Variants in GHR observed in about 807,000 individuals in gnomAD.
The protein encoded by GHR is GH receptor.
Under a neutral mutation model 67.1 loss-of-function variants are expected in GHR, and 35 were observed. The ratio of observed to expected loss-of-function variants is 0.52; its 90% confidence interval spans 0.40 to 0.69. The LOEUF (loss-of-function observed/expected upper bound fraction) is 0.69, where lower values mean the gene tolerates loss of function less well. GHR is among the 30% of genes least tolerant of loss of function. GHR has a pLI of 0.00. For synonymous variants in GHR, 272 were observed against 269.1 expected (o/e 1.01, Z -0.10); for missense variants, 792 against 764.6 (o/e 1.04, Z -0.42).
At chr5:42,701,686 C>T (rs914984807) in intron 6 of GHR, among the ~76,000 whole-genome samples, 2 of 152,100 alleles carry the variant, frequency 1.3e-5, no homozygotes, top group African/African-American at 4.8e-5. Context: ...TTGCCTTTTT[C>T]GAAAATTTGT....
chr5:42,526,520 A>G (rs1747711757), intron 1 of GHR, among the ~76,000 whole-genome samples: 1 of 152,264 alleles, frequency 6.6e-6, no homozygotes, highest in Admixed American at 6.5e-5. Flanking sequence ...CAGTATAGAT[A>G]AAATAGCCTT....
Position 42,614,559 on chromosome 5 carries a change from A to ATTTTTTTTTTTT in GHR, c.71-14458_71-14447dup, listed in dbSNP as rs553365880. Among the ~76,000 whole-genome samples, 21 of 65,412 alleles carry ATTTTTTTTTTTT rather than the reference A, an allele frequency of 3.2e-4. 1 individual carries two copies. The highest frequency in any genetic ancestry group is 1.0e-3 in the African/African-American group (16 of 15,844). The allele number at this position is 65,412 out of a possible 152,430, so 42.9% of individuals were successfully genotyped here. On this transcript the variant is annotated intron_variant, in intron 2 of 9. Coordinates refer to ENST00000230882, the MANE Select transcript of GHR (RefSeq NM_000163.5). ...GCAAGCTTTATAGGCCATAGAGGAC[A>ATTTTTTTTTTTT]TTTTTTTTTTTTTTTTTTTTTTTTT...
At chr5:42,616,678 A>G (rs548597027) in intron 2 of GHR, among the ~76,000 whole-genome samples, 21 of 44,710 alleles carry the variant, frequency 4.7e-4, no homozygotes, top group South Asian at 1.7e-3. Context: ...TTTGCAGGGG[A>G]AAAAAAAAAA....
intron 1 of GHR, chr5:42,548,030 T>C: frequency 1.1e-6 from 1 of 950,410 alleles, no homozygotes; most frequent in Non-Finnish European, 1.3e-6. Context: ...TTTGCTGAGT[T>C]CTAACGCTTA....
intron 2 of GHR, among the ~76,000 whole-genome samples, chr5:42,586,489 A>C (rs550816605): frequency 6.6e-6 from 1 of 152,240 alleles, no homozygotes; most frequent in African/African-American, 2.4e-5. Flanking sequence ...TGGCTCGATG[A>C]TAAGATAGGA....
At chr5:42,529,936 G>C (rs1437978404) in intron 1 of GHR, among the ~76,000 whole-genome samples, 1 of 146,176 alleles carries the variant, frequency 6.8e-6, no homozygotes, top group Non-Finnish European at 1.5e-5. Flanking sequence ...AAGAGAAATA[G>C]AATGAACTTC....
chr5:42,527,831 A>G (rs1747775718), intron 1 of GHR, among the ~76,000 whole-genome samples: 1 of 152,206 alleles, frequency 6.6e-6, no homozygotes, highest in South Asian at 2.1e-4. Context: ...AGCAAATGCA[A>G]AAGAGCTGAA....
At chr5:42,681,175 A>C (rs1756847315) in intron 3 of GHR, among the ~76,000 whole-genome samples, 1 of 152,094 alleles carries the variant, frequency 6.6e-6, no homozygotes, top group Non-Finnish European at 1.5e-5. Flanking sequence ...TGAACAGGCA[A>C]CCTACAGAAT....
rs1386963465 is a variant in GHR at position 42,467,572 on chromosome 5, T to G, written c.-12+43617T>G. 3 of 1,557,882 alleles carry G rather than the reference T, an allele frequency of 1.9e-6. No individual in the cohort carries two copies. The African/African-American group carries it at 4.1e-5, about 21-fold the overall frequency. ...CCTAAAGGTTTTTTCTAAGGAGAGG[T>G]TTTTTTGATATACAGTCAGATTTGA... On this transcript the variant is annotated intron_variant, in intron 1 of 9. Coordinates refer to ENST00000230882, the MANE Select transcript of GHR (RefSeq NM_000163.5).
rs1758451315 is a variant in GHR, at chr5:42,711,364, G to A, written c.776G>A (p.Cys259Tyr). 1.2e-6 allele frequency: 2 copies of A among 1,608,406 alleles called. No individual in the cohort carries two copies. The highest frequency in any genetic ancestry group is 1.7e-6 in the Non-Finnish European group (2 of 1,174,792). The change falls in exon 7 of 10, where the codon TGT becomes TAT. Residue 259 changes from cysteine to tyrosine, a missense_variant. By Grantham distance (194) the Cys-to-Tyr change is radical. Coordinates refer to ENST00000230882, the MANE Select transcript of GHR (RefSeq NM_000163.5). Reference sequence around the variant, plus strand: ...CTTCCTCAGATGAGCCAATTTACATGTGAAGAAGGTAAAAGAAATAAAAGA... The same window carrying A: ...CTTCCTCAGATGAGCCAATTTACATATGAAGAAGGTAAAAGAAATAAAAGA... Reference protein sequence around the residue: ...VTLPQMSQFTCEEDFYFPWLL... With the variant: ...VTLPQMSQFTYEEDFYFPWLL...
chr5:42,531,397 A>G (rs375673632), intron 1 of GHR, among the ~76,000 whole-genome samples: 73 of 152,210 alleles, frequency 4.8e-4, no homozygotes, highest in African/African-American at 1.5e-3. Flanking sequence ...GAAAACTACT[A>G]TGGATTTTCT....
chr5:42,481,354 C>A (rs1226829193), intron 1 of GHR, among the ~76,000 whole-genome samples: 2 of 152,104 alleles, frequency 1.3e-5, no homozygotes, highest in Non-Finnish European at 2.9e-5. Flanking sequence ...GTGAATCTGC[C>A]AATTATGTGT....
intron 1 of GHR, chr5:42,548,303 C>T: frequency 1.0e-6 from 1 of 985,160 alleles, no homozygotes; most frequent in Non-Finnish European, 1.2e-6. Flanking sequence ...AGCAGAAAGA[C>T]CAAGAATTTA....
intron 1 of GHR, among the ~76,000 whole-genome samples, chr5:42,482,887 T>A (rs113667115): frequency 6.6e-6 from 1 of 152,294 alleles, no homozygotes; most frequent in African/African-American, 2.4e-5. Flanking sequence ...GCACCCACTG[T>A]CCTGCACCCA....
In GHR at chr5:42,476,945, A is replaced by T. The variant is rs192020884; in HGVS notation, c.-12+52990A>T. ...TGTGCACAACGTGCAGGTTTGTTAC[A>T]TATGTATACATGTGCCATGTTGGTG... On this transcript the variant is annotated intron_variant, in intron 1 of 9. Coordinates refer to ENST00000230882, the MANE Select transcript of GHR (RefSeq NM_000163.5). Among the ~76,000 whole-genome samples, 413 of 152,174 alleles carry T rather than the reference A, an allele frequency of 2.7e-3. 5 individuals carry two copies. Among genetic ancestry groups the T allele is most frequent in the African/African-American group, 9.5e-3 (395 of 41,512 alleles).
chr5:42,645,960 T>C (rs963656231), intron 3 of GHR, among the ~76,000 whole-genome samples: 6 of 152,130 alleles, frequency 3.9e-5, no homozygotes, highest in Non-Finnish European at 1.5e-5. Context: ...TACTTGGCCT[T>C]CTCTGAAAAG....
In GHR at chr5:42,444,737, T is replaced by C. The variant is rs1014334887; in HGVS notation, c.-12+20782T>C. Among the ~76,000 whole-genome samples, 4 of 152,226 alleles carry C rather than the reference T, an allele frequency of 2.6e-5. No individual in the cohort carries two copies. In the East Asian group the frequency reaches 7.7e-4, roughly 29 times the overall value. On this transcript the variant is annotated intron_variant, in intron 1 of 9. Transcript: ENST00000230882. ...TTTGTTCATGTTATTCCCTCTAAAA[T>C]GACTTTTCTCTAATTTTTTTCATTC... is the stretch of plus-strand genomic sequence containing the variant.
chr5:42,667,215 C>T (rs1756032136), intron 3 of GHR, among the ~76,000 whole-genome samples: 1 of 152,118 alleles, frequency 6.6e-6, no homozygotes, highest in Non-Finnish European at 1.5e-5. Flanking sequence ...CTGGGAGACC[C>T]CAGGAAGATC....
At chr5:42,468,571 C>A (rs1198741708) in intron 1 of GHR, 47 of 932,998 alleles carry the variant, frequency 5.0e-5, no homozygotes, top group Non-Finnish European at 2.6e-5. Flanking sequence ...TCTTAAGCAC[C>A]ATGGACGGCT....
Sources: allele counts gnomAD v4.1 joint callset (sites outside exome capture counted in the v4.1 genomes callset), GRCh38; gene constraint gnomAD v4.1.1; transcripts MANE v1.5; gene names NCBI Gene and HGNC (gene_info 2026-07-23, HGNC 2026-07-21).